CPT1C: variants seen among roughly 807,000 people sequenced by gnomAD.
CPT1C encodes carnitine palmitoyltransferase 1C, also known as palmitoyl thioesterase CPT1C.
In CPT1C, 61 loss-of-function variants were observed where a neutral mutation model predicts 97.3. The observed-to-expected ratio is 0.63, with a 90% CI of 0.51 to 0.78. The LOEUF is 0.78. Ranked by LOEUF, CPT1C falls within the 30% of genes least tolerant of loss-of-function variation. The pLI, the probability that CPT1C is intolerant of heterozygous loss-of-function variation, is 0.00. For synonymous variants in CPT1C, 469 were observed against 447.2 expected (o/e 1.05, Z -0.61); for missense variants, 975 against 1,065.5 (o/e 0.92, Z 1.18).
At position 49,712,834 on chromosome 19, in the gene CPT1C, C is replaced by A; in HGVS notation, c.2118C>A (p.Gly706=). Reference sequence around the variant, plus strand: ...ATTACCCGGACTATGTTTCCTCAGGCGGTGGATTCGGGCCTGTGAGTGGAG... The same window carrying A: ...ATTACCCGGACTATGTTTCCTCAGGAGGTGGATTCGGGCCTGTGAGTGGAG... ...VHNYPDYVSS[G]GGFGPADDHG... is the part of the protein sequence containing the mutation. The change falls in exon 18 of 20, where the codon GGC becomes GGA. Residue 706 remains glycine, a synonymous_variant. Coordinates refer to ENST00000598293, the MANE Select transcript of CPT1C (RefSeq NM_001199753.2). 1 of 1,595,214 alleles carries A rather than the reference C, an allele frequency of 6.3e-7. No individual in the cohort carries two copies. The highest frequency in any genetic ancestry group is 8.5e-7 in the Non-Finnish European group (1 of 1,175,474).
chr19:49,699,898 G>A (rs1012341770), intron 4 of CPT1C, among the ~76,000 whole-genome samples: 1 of 151,984 alleles, frequency 6.6e-6, no homozygotes, highest in Non-Finnish European at 1.5e-5. Context: ...AGGTTGCAGT[G>A]AGCCGAGATA....
At chr19:49,691,940 A>G in intron 2 of CPT1C, 51 bp downstream of exon 2, 1 of 369,788 alleles carries the variant, frequency 2.7e-6, no homozygotes. Flanking sequence ...CGGCGCAAAA[A>G]GGCAGCTGAA....
At chr19:49,709,354 C>T (rs527494967) in intron 14 of CPT1C, among the ~76,000 whole-genome samples, 1 of 151,766 alleles carries the variant, frequency 6.6e-6, no homozygotes, top group Non-Finnish European at 1.5e-5. Flanking sequence ...TACCCCACAC[C>T]AACCCCATCC....
chr19:49,691,709 A>C (rs2082360417), intron 1 of CPT1C, 112 bp from the exon 2 acceptor site: 3 of 152,902 alleles, frequency 2.0e-5, no homozygotes, highest in Non-Finnish European at 2.9e-5. Context: ...CCACCCCCGA[A>C]TCTTGAGAAT....
At chr19:49,712,269 G>A (rs1018555108) in intron 17 of CPT1C, 3 of 373,510 alleles carry the variant, frequency 8.0e-6, no homozygotes, top group East Asian at 6.1e-5. Flanking sequence ...CCTTGAACCC[G>A]GGAGGCGGAG....
At position 49,708,736 on chromosome 19, in the gene CPT1C, C is replaced by T. The variant is rs778208609; in HGVS notation, c.1463C>T (p.Thr488Ile). ...GTTTGCCCACAGTTCACTCTGGCTA[C>T]AGAATGCTTTCAGCTGGGCTACTCA... ...SGHMWEFTLA[T>I]ECFQLGYSTD... Residue 488 changes from threonine to isoleucine, a missense_variant, in exon 14 of 20, where the codon ACA becomes ATA. By Grantham distance (89) the Thr-to-Ile change is moderately conservative. Coordinates refer to ENST00000598293, the MANE Select transcript of CPT1C (RefSeq NM_001199753.2). 6.2e-7 allele frequency: 1 copy of T among 1,613,670 alleles called. No homozygotes were observed. Among genetic ancestry groups the T allele is most frequent in the South Asian group, 1.1e-5 (1 of 91,078 alleles).
chr19:49,699,165 G>A (rs1406745614), intron 4 of CPT1C, among the ~76,000 whole-genome samples: 1 of 151,914 alleles, frequency 6.6e-6, no homozygotes, highest in Non-Finnish European at 1.5e-5. Flanking sequence ...GGTCCTCATG[G>A]GAGTGGCTGC....
intron 17 of CPT1C, 95 bp from the exon 18 acceptor site, chr19:49,712,641 G>GT (rs1297423934): frequency 1.9e-5 from 17 of 915,222 alleles, no homozygotes; most frequent in South Asian, 1.2e-4. Flanking sequence ...GGATTTACGG[G>GT]TAAAAAAAAA....
rs2083924647 is a variant in CPT1C, at chr19:49,712,146, C to T, written c.2019+185C>T. ...TCACTTGAGGTCAAGAGTTCGAGAC[C>T]AGCCTGGCCAACTTGGCGAAACCCT... On this transcript the variant is annotated intron_variant, in intron 17 of 19. Transcript: ENST00000598293. 2.2e-5 allele frequency: 15 copies of T among 676,192 alleles called. No homozygotes were observed. The South Asian group carries it at 3.1e-4, about 14-fold the overall frequency. The allele number at this position is 676,192 out of a possible 1,614,324, so 41.9% of individuals were successfully genotyped here.
intron 5 of CPT1C, 95 bp downstream of exon 5, chr19:49,700,950 G>A: frequency 7.4e-7 from 1 of 1,350,864 alleles, no homozygotes; most frequent in Non-Finnish European, 1.0e-6. Flanking sequence ...CTGGGTCTCT[G>A]TCCCTCTCTC....
chr19:49,698,962 G>C (rs1028590430), intron 4 of CPT1C, among the ~76,000 whole-genome samples: 1 of 152,026 alleles, frequency 6.6e-6, no homozygotes, highest in East Asian at 1.9e-4. Context: ...AATTAGCCGA[G>C]TGTGGTGGCA....
At chr19:49,709,698 G>T (rs569517565) in intron 14 of CPT1C, among the ~76,000 whole-genome samples, 1 of 151,654 alleles carries the variant, frequency 6.6e-6, no homozygotes, top group Non-Finnish European at 1.5e-5. Flanking sequence ...GGGATTACAG[G>T]TGCCCACTAC....
chr19:49,704,511 C>T (rs112097356), intron 7 of CPT1C, among the ~76,000 whole-genome samples, 199 bp from the exon 8 acceptor site: 184 of 152,216 alleles, frequency 1.2e-3, no homozygotes, highest in Middle Eastern at 6.8e-3. Context: ...ATTCCACTGC[C>T]GGAGTATAAC....
At chr19:49,703,476 C>CAGG (rs1345671659) in intron 7 of CPT1C, among the ~76,000 whole-genome samples, 6 of 151,180 alleles carry the variant, frequency 4.0e-5, no homozygotes, top group African/African-American at 1.5e-4. Flanking sequence ...TTGGGATTTA[C>CAGG]AGGCGTGAGC....
rs1202091404 is a variant in CPT1C at position 49,697,458 on chromosome 19, C to A, written c.274C>A (p.Pro92Thr). Residue 92 changes from proline (P) to threonine (T), a missense_variant, in exon 4 of 20, where the codon CCT (proline) becomes ACT (threonine). Physicochemically the swap from Pro to Thr is conservative, Grantham distance 38 (BLOSUM62 -1). Coordinates refer to ENST00000598293, the MANE Select transcript of CPT1C (RefSeq NM_001199753.2). ...GLMEKIKELL[P>T]DWGGQHHGLR... ...GATGGAGAAGATCAAAGAGTTGCTG[C>A]CTGACTGGTGAGGTCCCCCCACTCC... is the stretch of plus-strand genomic sequence containing the variant. 17 of 1,613,864 alleles carry A rather than the reference C, an allele frequency of 1.1e-5. No homozygotes were observed. Among genetic ancestry groups the A allele is most frequent in the Non-Finnish European group, 1.4e-5 (16 of 1,179,942 alleles).
At position 49,710,272 on chromosome 19, in the gene CPT1C, AC is replaced by A. The variant is rs775139959; in HGVS notation, c.1567-43del. 1.9e-6 allele frequency: 3 copies of A among 1,587,184 alleles called. No individual in the cohort carries two copies. In the African/African-American group the frequency reaches 4.1e-5, roughly 21 times the overall value. Reference sequence around the variant, plus strand: ...CAGCCTTATTCCTGGCTTTCACCCTACCCCCATCTGTAACCCCAACTACTCC... The same window carrying A: ...CAGCCTTATTCCTGGCTTTCACCCTACCCCATCTGTAACCCCAACTACTCC... On this transcript the variant is annotated intron_variant, in intron 14 of 19. Transcript: ENST00000598293.
chr19:49,702,085 A>ATATTTATAAATTATAAATATATATT (rs1568521606), intron 7 of CPT1C, among the ~76,000 whole-genome samples: 2 of 97,988 alleles, frequency 2.0e-5, no homozygotes, highest in East Asian at 7.6e-4. Context: ...TTATAAATAT[A>ATATTTATAAATTATAAATATATATT]TATTTATTTA....
intron 16 of CPT1C, chr19:49,711,344 T>G (rs2083873316): frequency 6.4e-6 from 1 of 155,814 alleles, no homozygotes; most frequent in Non-Finnish European, 1.4e-5. Context: ...TGACCTCAGG[T>G]GATCTCCCTG....
At chr19:49,705,862 T>C (rs759055952) in intron 10 of CPT1C, 47 bp from the exon 11 acceptor site, 28 of 1,523,470 alleles carry the variant, frequency 1.8e-5, no homozygotes, top group Non-Finnish European at 2.4e-5. Flanking sequence ...ACTATTTTTA[T>C]GTGTCTGGCC....
Sources: allele counts gnomAD v4.1 joint callset (sites outside exome capture counted in the v4.1 genomes callset), GRCh38; gene constraint gnomAD v4.1.1; transcripts MANE v1.5; gene names NCBI Gene and HGNC (gene_info 2026-07-23, HGNC 2026-07-21).